The following DNAH5 variants were observed in gnomAD, a reference collection of about 807,000 sequenced individuals.
The protein encoded by DNAH5 is dynein axonemal heavy chain 5.
DNAH5 carries 372 observed loss-of-function variants against 518.2 expected under a neutral mutation model. The ratio of observed to expected loss-of-function variants is 0.72; its 90% CI spans 0.66 to 0.78. The LOEUF is 0.78. DNAH5 is among the 30% of genes least tolerant of loss of function. The pLI is 0.00. For missense variants in DNAH5, 5,523 were observed against 5,687.0 expected (o/e 0.97, Z 0.93); for synonymous variants, 2,039 against 2,025.9 (o/e 1.01, Z -0.17).
At chr5:13,717,638 GT>G in intron 72 of DNAH5, 118 bp from the exon 73 acceptor site, 1 of 899,788 alleles carries the variant, frequency 1.1e-6, no homozygotes, top group Non-Finnish European at 1.8e-6. Context: ...ACTTTGGATT[GT>G]TTTTATGACA....
At chr5:13,854,935 C>T in intron 30 of DNAH5, among the ~76,000 whole-genome samples, 1 of 152,060 alleles carries the variant, frequency 6.6e-6, no homozygotes, top group East Asian at 1.9e-4. Flanking sequence ...CTTTTTTTAA[C>T]ATGTTAAAGA....
intron 30 of DNAH5, among the ~76,000 whole-genome samples, chr5:13,851,990 G>A (rs994461143): frequency 4.6e-5 from 7 of 151,958 alleles, no homozygotes; most frequent in South Asian, 2.1e-4. Flanking sequence ...ACTCTCCCCC[G>A]AGCCAAGGGA....
chr5:13,788,030 C>T (rs1345947361), intron 51 of DNAH5, among the ~76,000 whole-genome samples: 1 of 152,114 alleles, frequency 6.6e-6, no homozygotes, highest in Non-Finnish European at 1.5e-5. Flanking sequence ...AGCCTAGTTA[C>T]TTCTGAGGGG....
chr5:13,777,854 A>G (rs556180889), intron 53 of DNAH5, among the ~76,000 whole-genome samples: 5 of 152,298 alleles, frequency 3.3e-5, no homozygotes, highest in African/African-American at 1.2e-4. Flanking sequence ...TTATACATAA[A>G]TAAACTTGTT....
At chr5:13,863,097 C>T (rs1390125265) in intron 28 of DNAH5, among the ~76,000 whole-genome samples, 2 of 152,088 alleles carry the variant, frequency 1.3e-5, no homozygotes, top group African/African-American at 4.8e-5. Context: ...TTCTGATCTA[C>T]CTCTAAAGTC....
chr5:13,776,695 T>C lies in DNAH5; in HGVS notation c.9117A>G (p.Leu3039=), dbSNP rs753648161. The change falls in exon 55 of 79, where the codon CTA becomes CTG. Residue 3039 remains leucine, a synonymous_variant. Coordinates refer to ENST00000265104, the MANE Select transcript of DNAH5 (RefSeq NM_001369.3). ...NVLSSGEVSN[L]FARDEIDEIN... ...TTTCATCAATTTCATCTCGAGCAAA[T>C]AGGTTAGAGACCTTAAAAAGAAGTA... The C allele has an allele frequency of 5.0e-6, 8 of 1,613,558 alleles. No individual in the cohort carries two copies. Among genetic ancestry groups the C allele is most frequent in the Non-Finnish European group, 3.4e-6 (4 of 1,179,734 alleles).
rs183499226 is a variant in DNAH5, at chr5:13,755,745, G to A, written c.10420-1407C>T. 1.4e-4 allele frequency among the ~76,000 whole-genome samples: 21 copies of A among 152,222 alleles called. No individual in the cohort carries two copies. The South Asian group carries it at 1.5e-3, about 11-fold the overall frequency. On this transcript the variant is annotated intron_variant, in intron 61 of 78. Transcript: ENST00000265104. ...CAAGAGGGAAGGTGCCAGCTGGGAAGGACAATCCTACATTGTTTATTAGAA... is the reference window on the plus strand; with the variant it reads ...CAAGAGGGAAGGTGCCAGCTGGGAAAGACAATCCTACATTGTTTATTAGAA...
At chr5:13,883,540 T>C (rs902851739) in intron 19 of DNAH5, among the ~76,000 whole-genome samples, 1 of 152,060 alleles carries the variant, frequency 6.6e-6, no homozygotes, top group African/African-American at 2.4e-5. Flanking sequence ...CCTACCATGG[T>C]GTGTAAAATC....
intron 21 of DNAH5, 71 bp downstream of exon 21, chr5:13,882,657 G>A: frequency 8.2e-7 from 1 of 1,226,144 alleles, no homozygotes; most frequent in South Asian, 1.2e-5. Flanking sequence ...ACATGGAGGG[G>A]TTAAAAAACA....
At chr5:13,711,217 G>A (rs558450081) in intron 75 of DNAH5, among the ~76,000 whole-genome samples, 4 of 152,064 alleles carry the variant, frequency 2.6e-5, no homozygotes, top group Admixed American at 6.6e-5. Flanking sequence ...TTTAACATAC[G>A]CAAGTCAATA....
intron 1 of DNAH5, among the ~76,000 whole-genome samples, chr5:13,970,793 T>G (rs1353055539): frequency 6.6e-6 from 1 of 152,242 alleles, no homozygotes; most frequent in African/African-American, 2.4e-5. Context: ...ATGAATTTCC[T>G]GGATGTTCTT....
intron 21 of DNAH5, among the ~76,000 whole-genome samples, chr5:13,877,823 T>C (rs1012650820): frequency 6.6e-6 from 1 of 152,180 alleles, no homozygotes; most frequent in African/African-American, 2.4e-5. Flanking sequence ...GTGGAGTGGA[T>C]TAGACACACA....
chr5:13,844,890 C>A lies in DNAH5; in HGVS notation c.5218G>T (p.Ala1740Ser), dbSNP rs774945392. Residue 1740 changes from alanine to serine, a missense_variant, in exon 32 of 79, where the codon GCC (alanine) becomes TCC (serine). Physicochemically the swap from Ala to Ser is moderately conservative, Grantham distance 99. Coordinates refer to ENST00000265104, the MANE Select transcript of DNAH5 (RefSeq NM_001369.3). The stretch of plus-strand genomic sequence containing the variant: ...TTGTCAAACACATTCAGCAAATGGG[C>A]CTGTATAGTGTGGGAGTCCGACGCC... ...GQASDSHTIQ[A>S]HLLNVFDNIK... The A allele has an allele frequency of 1.2e-6, 2 of 1,614,160 alleles. No individual in the cohort carries two copies. Among genetic ancestry groups the A allele is most frequent in the East Asian group, 4.5e-5 (2 of 44,884 alleles).
At chr5:13,852,734 A>G (rs1767062158) in intron 30 of DNAH5, among the ~76,000 whole-genome samples, 1 of 128,822 alleles carries the variant, frequency 7.8e-6, no homozygotes, top group Non-Finnish European at 1.8e-5. Context: ...TTTCCCTCAC[A>G]GTGTTAACAA....
chr5:13,832,246 G>A (rs1763776049), intron 35 of DNAH5, among the ~76,000 whole-genome samples: 1 of 152,156 alleles, frequency 6.6e-6, no homozygotes, highest in Non-Finnish European at 1.5e-5. Context: ...GCAGACCCTC[G>A]TTACAACTGA....
upstream of DNAH5, among the ~76,000 whole-genome samples, chr5:13,947,213 T>C (rs1000883315): frequency 6.6e-6 from 1 of 152,234 alleles, no homozygotes. Flanking sequence ...TATGTGGACA[T>C]ATGTTCTGAA....
intron 35 of DNAH5, among the ~76,000 whole-genome samples, chr5:13,838,858 G>A (rs1764777294): frequency 6.6e-6 from 1 of 152,006 alleles, no homozygotes; most frequent in African/African-American, 2.4e-5. Context: ...TAGGGAGGTT[G>A]CAGTGGCAGG....
rs982291246 is a variant in DNAH5, at chr5:13,690,864, GATC to G, written c.*1117_*1119del. The stretch of plus-strand genomic sequence containing the variant: ...CTACCCTTTTTTTATTTTTTCTCCT[GATC>G]ATCACATTTTTTCAAGCCAACTATA... On this transcript the variant is annotated 3_prime_UTR_variant, in exon 79 of 79. Coordinates refer to ENST00000265104, the MANE Select transcript of DNAH5 (RefSeq NM_001369.3). 5 of 151,910 alleles carry G rather than the reference GATC, an allele frequency of 3.3e-5. No homozygotes were observed. Among genetic ancestry groups the G allele is most frequent in the African/African-American group, 2.4e-5 (1 of 41,358 alleles). 9.4% of individuals were successfully genotyped at this position (151,910 alleles called of 1,614,324 possible).
At chr5:13,769,663 G>A (rs1231480822) in intron 56 of DNAH5, 48 bp from the exon 57 acceptor site, 5 of 1,462,898 alleles carry the variant, frequency 3.4e-6, no homozygotes, top group Non-Finnish European at 3.8e-6. Flanking sequence ...GTAGGACTTG[G>A]ATGCAATTCT....
Sources: gnomAD v4.1 joint callset for allele counts (sites outside exome capture counted in the v4.1 genomes callset) on GRCh38, gnomAD v4.1.1 for gene constraint, MANE v1.5 for transcripts, NCBI Gene and HGNC (gene_info 2026-07-23, HGNC 2026-07-21) for gene names.